Variants in ZKSCAN4 observed in about 807,000 individuals in gnomAD.
The protein encoded by ZKSCAN4 is zinc finger with KRAB and SCAN domains 4.
A neutral mutation model predicts 30.8 loss-of-function variants in ZKSCAN4; 23 were observed. That is an observed-to-expected ratio of 0.75 (90% CI 0.54 to 1.06). The LOEUF (loss-of-function observed/expected upper bound fraction) is 1.06. ZKSCAN4 is among the 50% of genes least tolerant of loss of function. The pLI, the probability that ZKSCAN4 is intolerant of heterozygous loss-of-function variation, is 0.00. For missense variants in ZKSCAN4, 556 were observed against 665.4 expected (o/e 0.84, Z 1.81); for synonymous variants, 208 against 252.5 (o/e 0.82, Z 1.67).
chr6:28,248,763 T>C (rs553478799), intron 2 of ZKSCAN4, among the ~76,000 whole-genome samples: 4 of 147,648 alleles, frequency 2.7e-5, no homozygotes, highest in African/African-American at 7.5e-5. Flanking sequence ...GGGAGACAGG[T>C]TGCAGTGAGA....
chr6:28,245,586 T>C lies in ZKSCAN4; in HGVS notation c.1168A>G (p.Asn390Asp), dbSNP rs749137986. 2 of 1,614,036 alleles carry C rather than the reference T, an allele frequency of 1.2e-6. No homozygotes were observed. Among genetic ancestry groups the C allele is most frequent in the South Asian group, 2.2e-5 (2 of 91,072 alleles). ...TGGGTTCTCTGGTGTTTGATAAGGT[T>C]TGAGCTGTGACTGAAGACCTTACCA... ...ECGKVFSHSS[N>D]LIKHQRTHTG... The change falls in exon 5 of 5, where the codon AAC becomes GAC. Residue 390 changes from asparagine (N) to aspartate (D), a missense_variant. By Grantham distance (23) the Asn-to-Asp change is conservative. This residue lies in a region of ZKSCAN4 where 433 missense variants were observed against 511.5 expected (regional missense o/e 0.85). Transcript: ENST00000377294.
At chr6:28,248,029 G>T (rs760340279) in intron 3 of ZKSCAN4, 38 bp downstream of exon 3, 1 of 1,509,338 alleles carries the variant, frequency 6.6e-7, no homozygotes, top group Non-Finnish European at 9.1e-7. Flanking sequence ...GTAGTGAAAG[G>T]TATGGGGCGC....
chr6:28,255,524 C>T (rs1023656978), upstream of ZKSCAN4, among the ~76,000 whole-genome samples: 7 of 152,118 alleles, frequency 4.6e-5, no homozygotes, highest in African/African-American at 1.7e-4. Flanking sequence ...ACAATTTTTC[C>T]TTACCTTTTT....
chr6:28,246,807 A>G (rs751932109), intron 4 of ZKSCAN4, among the ~76,000 whole-genome samples, 162 bp downstream of exon 4: 9 of 152,246 alleles, frequency 5.9e-5, no homozygotes, highest in Non-Finnish European at 1.0e-4. Context: ...GGAGAAAGCA[A>G]GGTCAGAAGG....
rs1243222437 is a variant in ZKSCAN4 at position 28,244,870 on chromosome 6, C to A, written c.*246G>T. ...GCCATTTAAATACACTGGGTGAGAA[C>A]AAACTATTTTAGGTCCTACAACTTC... On this transcript the variant is annotated 3_prime_UTR_variant, in exon 5 of 5. Coordinates refer to ENST00000377294, the MANE Select transcript of ZKSCAN4 (RefSeq NM_019110.5). 5 of 545,642 alleles carry A rather than the reference C, an allele frequency of 9.2e-6. No homozygotes were observed. The highest frequency in any genetic ancestry group is 4.2e-4 in the Middle Eastern group (1 of 2,398). 33.8% of individuals were successfully genotyped at this position (545,642 alleles called of 1,614,324 possible).
In ZKSCAN4 at chr6:28,252,035, G is replaced by C; in HGVS notation, c.-55C>G. 9 of 1,498,898 alleles carry C rather than the reference G, an allele frequency of 6.0e-6. No individual in the cohort carries two copies. The highest frequency in any genetic ancestry group is 8.0e-6 in the Non-Finnish European group (9 of 1,124,716). The allele number at this position is 1,498,898 out of a possible 1,614,324, so 92.8% of individuals were successfully genotyped here. A position where few individuals can be genotyped will look rare whatever the true frequency, so the allele number is the denominator to read the frequency against. On this transcript the variant is annotated 5_prime_UTR_variant, in exon 1 of 5. Coordinates refer to ENST00000377294, the MANE Select transcript of ZKSCAN4 (RefSeq NM_019110.5). ...TCTAGTTGCGACCTGTATATCTTCA[G>C]AGGATTCTGGAAGGGTGGTAAATTT...
rs1761030974 is a variant in ZKSCAN4, at chr6:28,252,083, C to T, written c.-103G>A. ...TTTTCCAGTAGAACTGCAAGTGGTCCCCCTCCTGTCATGCCCAGGGGCCCA... is the reference window on the plus strand; with the variant it reads ...TTTTCCAGTAGAACTGCAAGTGGTCTCCCTCCTGTCATGCCCAGGGGCCCA... On this transcript the variant is annotated 5_prime_UTR_variant, in exon 1 of 5. Coordinates refer to ENST00000377294, the MANE Select transcript of ZKSCAN4 (RefSeq NM_019110.5). The T allele has an allele frequency of 7.6e-7, 1 of 1,313,342 alleles. No individual in the cohort carries two copies. The highest frequency in any genetic ancestry group is 2.4e-5 in the East Asian group (1 of 42,226). 81.4% of individuals were successfully genotyped at this position (1,313,342 alleles called of 1,614,324 possible). A position where few individuals can be genotyped will look rare whatever the true frequency, so the allele number is the denominator to read the frequency against.
Position 28,245,353 on chromosome 6 carries a change from G to C in ZKSCAN4, c.1401C>G (p.Ser467=). 1 of 1,614,154 alleles carries C rather than the reference G, an allele frequency of 6.2e-7. No individual in the cohort carries two copies. Residue 467 remains serine (S), a synonymous_variant, in exon 5 of 5, where the codon TCC becomes TCG. Transcript: ENST00000377294. The stretch of plus-strand genomic sequence containing the variant: ...TTTCCGTCCTACCCTGACTTTCCCA[G>C]GACTCCCCGTGCTCAGGATTCTGAA... The part of the protein sequence containing the change: ...KNVQNPEHGE[S]WESQGRTESQ...
At chr6:28,246,857 G>T in intron 4 of ZKSCAN4, 112 bp downstream of exon 4, 3 of 1,304,762 alleles carry the variant, frequency 2.3e-6, no homozygotes, top group Non-Finnish European at 3.1e-6. Flanking sequence ...TTCAGGAATG[G>T]TGATTCTGAA....
Position 28,248,826 on chromosome 6 carries a change from CAAAAAA to C in ZKSCAN4, c.572-683_572-678del, listed in dbSNP as rs1208495527. Among the ~76,000 whole-genome samples the C allele has an allele frequency of 5.1e-3, 261 of 51,052 alleles. 3 individuals carry two copies. Among genetic ancestry groups the C allele is most frequent in the African/African-American group, 0.014 (247 of 17,316 alleles). 33.5% of individuals were successfully genotyped at this position (51,052 alleles called of 152,430 possible). On this transcript the variant is annotated intron_variant, in intron 2 of 4. Coordinates refer to ENST00000377294, the MANE Select transcript of ZKSCAN4 (RefSeq NM_019110.5). The stretch of plus-strand genomic sequence containing the variant: ...GGATAACAGAGTGAGACCCCCATCT[CAAAAAA>C]AAAAAAAAAAAAGAAAAAAGAAAAA...
chr6:28,242,272 C>T lies in ZKSCAN4; in HGVS notation c.*2844G>A, dbSNP rs867289111. Reference sequence around the variant, plus strand: ...ATTGGAAAATAACTTTTTTGGCCATCCTTTCAATAGGCTACAGATAAACTC... The same window carrying T: ...ATTGGAAAATAACTTTTTTGGCCATTCTTTCAATAGGCTACAGATAAACTC... On this transcript the variant is annotated 3_prime_UTR_variant, in exon 5 of 5. Coordinates refer to ENST00000377294, the MANE Select transcript of ZKSCAN4 (RefSeq NM_019110.5). 3.9e-5 allele frequency among the ~76,000 whole-genome samples: 6 copies of T among 152,056 alleles called. No individual in the cohort carries two copies. The highest frequency in any genetic ancestry group is 5.9e-5 in the Non-Finnish European group (4 of 67,994).
At chr6:28,250,792 T>A (rs1760960455) in intron 1 of ZKSCAN4, among the ~76,000 whole-genome samples, 1 of 152,210 alleles carries the variant, frequency 6.6e-6, no homozygotes, top group Non-Finnish European at 1.5e-5. Flanking sequence ...GCTAAGAGAT[T>A]TGCAATGACT....
intron 3 of ZKSCAN4, among the ~76,000 whole-genome samples, chr6:28,247,494 A>G (rs1384799631): frequency 1.3e-5 from 2 of 152,086 alleles, no homozygotes. Context: ...AATTAGGGGA[A>G]AAAAAGGATA....
In ZKSCAN4 at chr6:28,251,404, A is replaced by G; in HGVS notation, c.423+154T>C. 8.7e-7 allele frequency: 1 copy of G among 1,147,044 alleles called. No individual in the cohort carries two copies. The highest frequency in any genetic ancestry group is 2.6e-5 in the East Asian group (1 of 39,098). The allele number at this position is 1,147,044 out of a possible 1,614,324, so 71.1% of individuals were successfully genotyped here. A position where few individuals can be genotyped will look rare whatever the true frequency, so the allele number is the denominator to read the frequency against. On this transcript the variant is annotated intron_variant, in intron 1 of 4. Coordinates refer to ENST00000377294, the MANE Select transcript of ZKSCAN4 (RefSeq NM_019110.5). The surrounding 1 kb of genome is among the most constrained non-coding windows in gnomAD (Gnocchi z 4.5). ...TATATTTAAAAATATAATTCTGAGAAGGAGTCCAGGGACTTCACCTTACTG... is the reference window on the plus strand; with the variant it reads ...TATATTTAAAAATATAATTCTGAGAGGGAGTCCAGGGACTTCACCTTACTG...
In ZKSCAN4 at chr6:28,252,057, AT is replaced by A; in HGVS notation, c.-78del. 1 of 1,456,460 alleles carries A rather than the reference AT, an allele frequency of 6.9e-7. No homozygotes were observed. 90.2% of individuals were successfully genotyped at this position (1,456,460 alleles called of 1,614,324 possible). ...TCAGAGGATTCTGGAAGGGTGGTAA[AT>A]TTTCCAGTAGAACTGCAAGTGGTCC... On this transcript the variant is annotated 5_prime_UTR_variant, in exon 1 of 5. The change creates a premature stop within an existing upstream ORF in the 5' untranslated region. Transcript: ENST00000377294.
chr6:28,253,655 T>C (rs1290851843), upstream of ZKSCAN4, among the ~76,000 whole-genome samples: 1 of 152,232 alleles, frequency 6.6e-6, no homozygotes, highest in Non-Finnish European at 1.5e-5. This position sits in a 1 kb window ranked among gnomAD's most constrained non-coding sequence, Gnocchi z 4.2. Context: ...CCAAGATCAA[T>C]TAAATCAGAA....
rs1760978277 is a variant in ZKSCAN4 at position 28,251,234 on chromosome 6, T to C, written c.423+324A>G. 6.6e-6 allele frequency among the ~76,000 whole-genome samples: 1 copy of C among 152,182 alleles called. No individual in the cohort carries two copies. The highest frequency in any genetic ancestry group is 2.4e-5 in the African/African-American group (1 of 41,436). On this transcript the variant is annotated intron_variant, in intron 1 of 4. Transcript: ENST00000377294. The surrounding 1 kb of genome is among the most constrained non-coding windows in gnomAD (Gnocchi z 4.5). ...ATAGATGCTTATCGCCATTTTGAAA[T>C]TGCCAATTATAAGCCCTGTCCCTAG...
chr6:28,254,626 A>G (rs1205686685), upstream of ZKSCAN4, among the ~76,000 whole-genome samples: 2 of 152,248 alleles, frequency 1.3e-5, no homozygotes, highest in Non-Finnish European at 2.9e-5. Context: ...ATCTTCTGTA[A>G]CTGCTTCCTG....
At chr6:28,257,410 A>G in the ZKSCAN4 span, among the ~76,000 whole-genome samples, 11 of 152,170 alleles carry the variant, frequency 7.2e-5, no homozygotes, top group African/African-American at 2.4e-4. Flanking sequence ...TGGGAGGGAG[A>G]GCAGCAGGAC....
Sources: allele counts gnomAD v4.1 joint callset (sites outside exome capture counted in the v4.1 genomes callset), GRCh38; gene constraint gnomAD v4.1.1; regional missense constraint gnomAD v4.1.1; non-coding constraint Gnocchi (gnomAD v3.1); transcripts MANE v1.5; gene names NCBI Gene and HGNC (gene_info 2026-07-23, HGNC 2026-07-21).